The following SIPA1L3 variants were observed in gnomAD, a reference collection of about 807,000 sequenced individuals.
The protein encoded by SIPA1L3 is signal-induced proliferation-associated 1-like protein 3.
A neutral mutation model predicts 150.1 loss-of-function variants in SIPA1L3; 59 were observed. The ratio of observed to expected loss-of-function variants is 0.39; its 90% CI spans 0.32 to 0.49. SIPA1L3 has a LOEUF of 0.49. Ranked by LOEUF, SIPA1L3 falls within the 20% of genes least tolerant of loss-of-function variation. The pLI, the probability that SIPA1L3 is intolerant of heterozygous loss-of-function variation, is 0.86. For missense variants in SIPA1L3, 2,211 were observed against 2,489.5 expected, an observed-to-expected ratio of 0.89 and a Z score of 2.38; for synonymous variants, 1,070 against 1,077.6, an observed-to-expected ratio of 0.99 and a Z score of 0.14.
intron 18 of SIPA1L3, among the ~76,000 whole-genome samples, chr19:38,194,368 A>C (rs1319691018): frequency 7.3e-6 from 1 of 137,686 alleles, no homozygotes; most frequent in Non-Finnish European, 1.6e-5. Context: ...CCCACCTCCT[A>C]ACCCCCCCAC....
intron 1 of SIPA1L3, among the ~76,000 whole-genome samples, chr19:37,916,805 CA>C (rs1405136352): frequency 6.6e-6 from 1 of 151,960 alleles, no homozygotes; most frequent in Non-Finnish European, 1.5e-5. Context: ...ACTTAAAATA[CA>C]AAAATTAGCT....
intron 2 of SIPA1L3, among the ~76,000 whole-genome samples, chr19:38,053,732 A>AT (rs1403262869): frequency 1.3e-5 from 2 of 151,372 alleles, no homozygotes; most frequent in African/African-American, 4.9e-5. Flanking sequence ...AATTTTTATT[A>AT]TTTTTTATTT....
At chr19:38,061,412 A>G (rs1034063336) in intron 2 of SIPA1L3, among the ~76,000 whole-genome samples, 2 of 151,374 alleles carry the variant, frequency 1.3e-5, no homozygotes, top group African/African-American at 4.9e-5. Flanking sequence ...CCAATTCCTT[A>G]GCTTCCCTCC....
intron 1 of SIPA1L3, among the ~76,000 whole-genome samples, chr19:38,017,349 C>A (rs931150331): frequency 5.3e-5 from 8 of 152,058 alleles, no homozygotes; most frequent in Non-Finnish European, 7.4e-5. Context: ...TTGGAAAAAC[C>A]GATGAGACCC....
intron 9 of SIPA1L3, 22 bp from the exon 10 acceptor site, chr19:38,130,476 C>A: frequency 6.3e-7 from 1 of 1,595,052 alleles, no homozygotes; most frequent in Non-Finnish European, 8.6e-7. Context: ...TTCTGAGGCT[C>A]GATCCTGCCT....
At chr19:37,909,244 A>G (rs1419241518) in intron 1 of SIPA1L3, among the ~76,000 whole-genome samples, 2 of 152,218 alleles carry the variant, frequency 1.3e-5, no homozygotes, top group South Asian at 2.1e-4. Flanking sequence ...GTCTTGCTCC[A>G]TAGCCCAGGC....
At chr19:38,016,983 G>A (rs149105044) in intron 1 of SIPA1L3, among the ~76,000 whole-genome samples, 2,703 of 137,434 alleles carry the variant, frequency 0.02, 77 homozygotes, top group African/African-American at 0.069. Flanking sequence ...TGCAGCCTCC[G>A]GCTCCCGGGT....
At chr19:38,179,611 C>A in intron 15 of SIPA1L3, among the ~76,000 whole-genome samples, 1 of 152,100 alleles carries the variant, frequency 6.6e-6, no homozygotes, top group South Asian at 2.1e-4. Flanking sequence ...TTCCTTCTCC[C>A]TTTTTTGTGC....
intron 2 of SIPA1L3, among the ~76,000 whole-genome samples, chr19:38,044,566 A>G (rs1177980896): frequency 6.6e-6 from 1 of 152,192 alleles, no homozygotes; most frequent in Non-Finnish European, 1.5e-5. Flanking sequence ...GAGCAGGTTC[A>G]AGAGAGACGG....
chr19:38,170,585 G>A (rs1600165791), intron 15 of SIPA1L3, among the ~76,000 whole-genome samples: 2 of 152,246 alleles, frequency 1.3e-5, no homozygotes, highest in South Asian at 4.2e-4. Flanking sequence ...GCGAGCGCCT[G>A]CTGTGCACCG....
intron 9 of SIPA1L3, among the ~76,000 whole-genome samples, chr19:38,121,895 G>A (rs538314544): frequency 1.2e-4 from 18 of 151,558 alleles, no homozygotes; most frequent in Admixed American, 3.3e-4. Context: ...CTCGAACCTC[G>A]GCAACAGAGA....
At chr19:38,091,647 C>A (rs868100104) in intron 4 of SIPA1L3, among the ~76,000 whole-genome samples, 4 of 152,160 alleles carry the variant, frequency 2.6e-5, no homozygotes, top group African/African-American at 9.7e-5. Flanking sequence ...GTGTTCTGGC[C>A]GCCGCACTCG....
chr19:38,038,588 CAAAA>C (rs34849335), intron 2 of SIPA1L3, among the ~76,000 whole-genome samples: 1 of 121,792 alleles, frequency 8.2e-6, no homozygotes. Context: ...GACTCCGTCT[CAAAA>C]AAAAAAAAAA....
At chr19:38,084,548 T>TAAA (rs60242010) in intron 3 of SIPA1L3, among the ~76,000 whole-genome samples, 3,954 of 93,398 alleles carry the variant, frequency 0.042, 367 homozygotes, top group African/African-American at 0.17. Context: ...GGGCTTTTCT[T>TAAA]AAAAAAAAAA....
At chr19:37,972,011 G>A (rs1397285004) in intron 1 of SIPA1L3, among the ~76,000 whole-genome samples, 3 of 152,106 alleles carry the variant, frequency 2.0e-5, no homozygotes, top group African/African-American at 7.2e-5. Flanking sequence ...TTGTTTCCAC[G>A]TTTTAGCTAT....
At chr19:37,915,373 T>TTTTG (rs953421874) in intron 1 of SIPA1L3, among the ~76,000 whole-genome samples, 1 of 151,972 alleles carries the variant, frequency 6.6e-6, no homozygotes, top group African/African-American at 2.4e-5. Context: ...AGGTGTTTTT[T>TTTTG]TTTGTTTGTT....
At chr19:38,183,312 A>C (rs1439205634) in intron 16 of SIPA1L3, among the ~76,000 whole-genome samples, 1 of 143,352 alleles carries the variant, frequency 7.0e-6, no homozygotes, top group African/African-American at 2.5e-5. Context: ...AGGAGCAGGG[A>C]GGAGCTGCTG....
intron 12 of SIPA1L3, 84 bp from the exon 13 acceptor site, chr19:38,152,756 C>T (rs1215743351): frequency 6.2e-6 from 9 of 1,460,482 alleles, no homozygotes; most frequent in Admixed American, 4.2e-5. Flanking sequence ...AACCCACTGG[C>T]GAGCAAGGCT....
chr19:38,120,521 A>C (rs963673831), intron 9 of SIPA1L3, among the ~76,000 whole-genome samples: 4 of 152,174 alleles, frequency 2.6e-5, no homozygotes, highest in Non-Finnish European at 5.9e-5. Flanking sequence ...AAAATAATTA[A>C]AATAGAATGA....
Sources: allele counts gnomAD v4.1 joint callset (sites outside exome capture counted in the v4.1 genomes callset), GRCh38; gene constraint gnomAD v4.1.1; transcripts MANE v1.5; gene names NCBI Gene and HGNC (gene_info 2026-07-23, HGNC 2026-07-21).